SLC25A21: variants seen among roughly 807,000 people sequenced by gnomAD.
SLC25A21 encodes the protein solute carrier family 25 member 21, also known as mitochondrial 2-oxodicarboxylate carrier.
Under a neutral mutation model 43.8 loss-of-function variants are expected in SLC25A21, and 47 were observed. That is an observed-to-expected ratio of 1.07 (90% confidence interval 0.85 to 1.37). The LOEUF (loss-of-function observed/expected upper bound fraction) is 1.37, where lower values mean the gene tolerates loss of function less well. SLC25A21 is among the 40% of genes most tolerant of loss of function. SLC25A21 has a pLI of 0.00. For missense variants in SLC25A21, 352 were observed against 350.2 expected (o/e 1.00, Z -0.04); for synonymous variants, 131 against 121.3 (o/e 1.08, Z -0.52).
rs750012000 is a variant in SLC25A21 at position 36,821,332 on chromosome 14, C to T, written c.120-7331G>A. Among the ~76,000 whole-genome samples the T allele has an allele frequency of 5.3e-5, 8 of 151,876 alleles. No homozygotes were observed. The East Asian group carries it at 1.2e-3, about 22-fold the overall frequency. ...AGCACATCAGATGGTGGAAAGATGA[C>T]ACTGCTGGTTTTGAAGATAGTTTTT... is the stretch of plus-strand genomic sequence containing the variant. On this transcript the variant is annotated intron_variant, in intron 2 of 9. Coordinates refer to ENST00000331299, the MANE Select transcript of SLC25A21 (RefSeq NM_030631.4).
At chr14:36,727,643 A>G (rs1201410347) in intron 5 of SLC25A21, among the ~76,000 whole-genome samples, 2 of 152,144 alleles carry the variant, frequency 1.3e-5, no homozygotes, top group Non-Finnish European at 2.9e-5. Flanking sequence ...AGCTGAGATC[A>G]TGCCACTGCA....
At position 36,680,273 on chromosome 14, in the gene SLC25A21, A is replaced by G; in HGVS notation, c.*385T>C. On this transcript the variant is annotated 3_prime_UTR_variant, in exon 10 of 10. Coordinates refer to ENST00000331299, the MANE Select transcript of SLC25A21 (RefSeq NM_030631.4). Reference sequence around the variant, plus strand: ...CTTTGAATAATTTGATTTATTTTCAATAGTTTAAGCATTTCTAGACCTCTT... The same window carrying G: ...CTTTGAATAATTTGATTTATTTTCAGTAGTTTAAGCATTTCTAGACCTCTT... 1.0e-6 allele frequency: 1 copy of G among 964,418 alleles called. No individual in the cohort carries two copies. Among genetic ancestry groups the G allele is most frequent in the Non-Finnish European group, 1.2e-6 (1 of 814,442 alleles). The allele number at this position is 964,418 out of a possible 1,614,324, so 59.7% of individuals were successfully genotyped here.
chr14:36,932,268 C>T (rs1216960538), intron 1 of SLC25A21, among the ~76,000 whole-genome samples: 1 of 152,020 alleles, frequency 6.6e-6, no homozygotes, highest in Non-Finnish European at 1.5e-5. Context: ...TTTCAAATGG[C>T]CCCTTCAGCT....
chr14:37,026,674 C>T (rs1167624300), intron 1 of SLC25A21, among the ~76,000 whole-genome samples: 5 of 152,102 alleles, frequency 3.3e-5, no homozygotes, highest in African/African-American at 1.2e-4. Flanking sequence ...TTTATCAGAG[C>T]TGCAAAATGC....
intron 1 of SLC25A21, among the ~76,000 whole-genome samples, chr14:36,961,711 G>C (rs941030401): frequency 6.6e-6 from 1 of 152,104 alleles, no homozygotes; most frequent in Non-Finnish European, 1.5e-5. Flanking sequence ...GGAAGAGCAA[G>C]GGAAATATAG....
chr14:36,945,617 A>G lies in SLC25A21; in HGVS notation c.71-70613T>C, dbSNP rs565532027. Among the ~76,000 whole-genome samples the G allele has an allele frequency of 2.6e-5, 4 of 152,370 alleles. No individual in the cohort carries two copies. The East Asian group carries it at 7.7e-4, about 29-fold the overall frequency. ...CATGAAATAAGCCAGTCCTAAAAGG[A>G]CAGATACTGTGCAATTCCACTTATA... On this transcript the variant is annotated intron_variant, in intron 1 of 9. Transcript: ENST00000331299.
At chr14:36,750,132 G>A (rs955696349) in intron 3 of SLC25A21, among the ~76,000 whole-genome samples, 1 of 152,190 alleles carries the variant, frequency 6.6e-6, no homozygotes, top group Non-Finnish European at 1.5e-5. Flanking sequence ...GAATGTTGGT[G>A]TTGTGAACAG....
intron 1 of SLC25A21, among the ~76,000 whole-genome samples, chr14:36,893,047 C>A (rs907480606): frequency 3.3e-5 from 5 of 152,128 alleles, no homozygotes; most frequent in Admixed American, 3.3e-4. Context: ...GATTTATAAT[C>A]CTTTGGGTAT....
intron 1 of SLC25A21, among the ~76,000 whole-genome samples, chr14:36,926,840 C>G (rs868733763): frequency 2.0e-4 from 30 of 152,200 alleles, no homozygotes; most frequent in Middle Eastern, 3.4e-3. Context: ...CTAAAGAGGG[C>G]ATTTCTATAG....
At chr14:37,005,751 G>C (rs958536640) in intron 1 of SLC25A21, among the ~76,000 whole-genome samples, 5 of 152,138 alleles carry the variant, frequency 3.3e-5, no homozygotes, top group African/African-American at 1.2e-4. Flanking sequence ...CAAAATAAGT[G>C]CATGGGGAAT....
intron 1 of SLC25A21, among the ~76,000 whole-genome samples, chr14:36,930,791 C>T (rs75192996): frequency 0.043 from 6,571 of 152,158 alleles, 280 homozygotes; most frequent in Middle Eastern, 0.14. Flanking sequence ...CATCCACATA[C>T]CTCTCAAGTG....
chr14:36,790,245 C>T (rs886546483), intron 3 of SLC25A21, among the ~76,000 whole-genome samples: 1 of 151,786 alleles, frequency 6.6e-6, no homozygotes, highest in Admixed American at 6.6e-5. Flanking sequence ...ATGATTAGCT[C>T]AAAGGAAATG....
intron 1 of SLC25A21, among the ~76,000 whole-genome samples, chr14:37,061,284 T>A (rs149017590): frequency 1.2e-3 from 179 of 152,284 alleles, no homozygotes; most frequent in African/African-American, 4.0e-3. Flanking sequence ...CAGCAACTGG[T>A]CCCAAGCAAC....
intron 1 of SLC25A21, among the ~76,000 whole-genome samples, chr14:37,157,104 C>T (rs1428611523): frequency 6.6e-6 from 1 of 152,130 alleles, no homozygotes; most frequent in African/African-American, 2.4e-5. Flanking sequence ...TGCTTGTAAT[C>T]CCAGCACTTT....
chr14:36,896,580 T>C (rs1891246189), intron 1 of SLC25A21, among the ~76,000 whole-genome samples: 1 of 152,192 alleles, frequency 6.6e-6, no homozygotes, highest in Admixed American at 6.5e-5. Flanking sequence ...TCCATGTCAT[T>C]ATGATGGTAG....
intron 1 of SLC25A21, among the ~76,000 whole-genome samples, chr14:36,992,842 T>A (rs1478721098): frequency 6.6e-6 from 1 of 152,170 alleles, no homozygotes; most frequent in African/African-American, 2.4e-5. Flanking sequence ...TTCTTTTTGT[T>A]TCCTTTGCCC....
At chr14:37,104,316 A>G (rs1962873075) in intron 1 of SLC25A21, among the ~76,000 whole-genome samples, 1 of 152,184 alleles carries the variant, frequency 6.6e-6, no homozygotes, top group South Asian at 2.1e-4. Flanking sequence ...CTCATCAGAC[A>G]TAGAACCTGC....
intron 3 of SLC25A21, among the ~76,000 whole-genome samples, chr14:36,765,316 G>T (rs1004064530): frequency 9.9e-5 from 15 of 152,188 alleles, no homozygotes; most frequent in Middle Eastern, 3.2e-3. Flanking sequence ...CATTGGAAGT[G>T]ATCATCTAGC....
intron 1 of SLC25A21, among the ~76,000 whole-genome samples, chr14:37,014,370 A>C (rs1960799601): frequency 6.6e-6 from 1 of 152,168 alleles, no homozygotes; most frequent in Non-Finnish European, 1.5e-5. Flanking sequence ...TGTCATTTCG[A>C]CAATGTTCAC....
Sources: gnomAD v4.1 joint callset for allele counts (sites outside exome capture counted in the v4.1 genomes callset) on GRCh38, gnomAD v4.1.1 for gene constraint, MANE v1.5 for transcripts, NCBI Gene and HGNC (gene_info 2026-07-23, HGNC 2026-07-21) for gene names.